Variants in COPG1 observed in about 807,000 individuals in gnomAD.
The protein encoded by COPG1 is coatomer subunit gamma-1.
Under a neutral mutation model 102.8 loss-of-function variants are expected in COPG1, and 29 were observed. That is an observed-to-expected ratio of 0.28 (90% CI 0.21 to 0.38). The LOEUF is 0.38. COPG1 is among the 10% of genes least tolerant of loss of function. The pLI is 1.00. For missense variants in COPG1, 875 were observed against 1,132.7 expected, an observed-to-expected ratio of 0.77 and a Z score of 3.27; for synonymous variants, 406 against 421.6, an observed-to-expected ratio of 0.96 and a Z score of 0.45.
chr3:129,252,815 T>A (rs1262183345), intron 4 of COPG1, 61 bp from the exon 5 acceptor site: 4 of 1,576,830 alleles, frequency 2.5e-6, no homozygotes, highest in Non-Finnish European at 3.5e-6. Context: ...GGAGGTATCT[T>A]CTCCCAACTC....
At chr3:129,259,078 T>C (rs1464404420) in intron 10 of COPG1, among the ~76,000 whole-genome samples, 1 of 152,180 alleles carries the variant, frequency 6.6e-6, no homozygotes, top group Non-Finnish European at 1.5e-5. Flanking sequence ...GTTTTTCTAT[T>C]ATTCTCTACT....
chr3:129,274,927 A>C lies in COPG1; in HGVS notation c.2346A>C (p.Glu782Asp), dbSNP rs1340846991. ...FEAAWDEVGD[E>D]FEKEETFTLS... ...CAGCCTGGGATGAGGTAGGGGATGA[A>C]TTTGAGAAGGAGGAAACGTTCACCT... The change falls in exon 22 of 24, where the codon GAA (glutamate) becomes GAC (aspartate). Residue 782 changes from glutamate (E) to aspartate (D), a missense_variant. Coordinates refer to ENST00000314797, the MANE Select transcript of COPG1 (RefSeq NM_016128.4). The C allele has an allele frequency of 1.2e-6, 2 of 1,614,184 alleles. No individual in the cohort carries two copies.
chr3:129,257,809 A>T lies in COPG1; in HGVS notation c.820A>T (p.Ile274Phe). 3 of 1,614,132 alleles carry T rather than the reference A, an allele frequency of 1.9e-6. No homozygotes were observed. Among genetic ancestry groups the T allele is most frequent in the Non-Finnish European group, 2.5e-6 (3 of 1,180,042 alleles). The change falls in exon 10 of 24, where the codon ATC becomes TTC. Residue 274 changes from isoleucine (I) to phenylalanine (F), a missense_variant. Physicochemically the swap from Ile to Phe is conservative, Grantham distance 21. Transcript: ENST00000314797. Reference protein sequence around the residue: ...EMVVYEAASAIVNLPGCSAKE... With the variant: ...EMVVYEAASAFVNLPGCSAKE... ...GGTGGTGTATGAAGCCGCCTCGGCCATCGTCAATCTGCCAGGCTGCAGTGC... is the reference window on the plus strand; with the variant it reads ...GGTGGTGTATGAAGCCGCCTCGGCCTTCGTCAATCTGCCAGGCTGCAGTGC...
chr3:129,258,620 G>A (rs1193793882), intron 10 of COPG1, among the ~76,000 whole-genome samples: 1 of 152,154 alleles, frequency 6.6e-6, no homozygotes, highest in Non-Finnish European at 1.5e-5. Context: ...ACCACGCCTG[G>A]CTAATTTTTG....
intron 2 of COPG1, among the ~76,000 whole-genome samples, chr3:129,251,114 G>A (rs971807093): frequency 2.0e-5 from 3 of 150,606 alleles, no homozygotes; most frequent in Non-Finnish European, 4.4e-5. Flanking sequence ...TAGTAGAGAC[G>A]GGGTTTCACC....
At position 129,271,217 on chromosome 3, in the gene COPG1, G is replaced by A. The variant is rs1940175392; in HGVS notation, c.1844-550G>A. Among the ~76,000 whole-genome samples the A allele has an allele frequency of 6.6e-6, 1 of 152,172 alleles. No homozygotes were observed. The highest frequency in any genetic ancestry group is 1.5e-5 in the Non-Finnish European group (1 of 68,040). On this transcript the variant is annotated intron_variant, in intron 18 of 23. Coordinates refer to ENST00000314797, the MANE Select transcript of COPG1 (RefSeq NM_016128.4). The surrounding 1 kb of genome is among the most constrained non-coding windows in gnomAD (Gnocchi z 4.7). ...TGCTTGAATCCAGTGCTTGAACCTG[G>A]GCATAGGGTGTAGGGATAGGTCTTA... is the stretch of plus-strand genomic sequence containing the variant.
In COPG1 at chr3:129,271,298, C is replaced by G. The variant is rs113590912; in HGVS notation, c.1844-469C>G. Among the ~76,000 whole-genome samples the G allele has an allele frequency of 2.6e-5, 4 of 152,326 alleles. No homozygotes were observed. Among genetic ancestry groups the G allele is most frequent in the African/African-American group, 9.6e-5 (4 of 41,574 alleles). On this transcript the variant is annotated intron_variant, in intron 18 of 23. Coordinates refer to ENST00000314797, the MANE Select transcript of COPG1 (RefSeq NM_016128.4). The surrounding 1 kb of genome is among the most constrained non-coding windows in gnomAD (Gnocchi z 4.7). ...CTGCAACACTCTCATTCTGAAATATCTCTTTATTGGCCATTTGTCTTAACT... is the reference window on the plus strand; with the variant it reads ...CTGCAACACTCTCATTCTGAAATATGTCTTTATTGGCCATTTGTCTTAACT...
At chr3:129,272,963 C>T in intron 21 of COPG1, 59 bp downstream of exon 21, 4 of 863,794 alleles carry the variant, frequency 4.6e-6, no homozygotes, top group Non-Finnish European at 5.7e-6. Flanking sequence ...CAACTCCCTT[C>T]AGGAACTGAC....
At chr3:129,255,347 T>G (rs1939786712) in intron 7 of COPG1, among the ~76,000 whole-genome samples, 1 of 151,592 alleles carries the variant, frequency 6.6e-6, no homozygotes, top group Non-Finnish European at 1.5e-5. Context: ...CCCAGCTAAT[T>G]TTTGTGTTTT....
rs568311268 is a variant in COPG1 at position 129,274,695 on chromosome 3, C to G, written c.2257-143C>G. 25 of 920,848 alleles carry G rather than the reference C, an allele frequency of 2.7e-5. No homozygotes were observed. In the Admixed American group the frequency reaches 5.5e-4, roughly 20 times the overall value. 57.0% of individuals were successfully genotyped at this position (920,848 alleles called of 1,614,324 possible). A position where few individuals can be genotyped will look rare whatever the true frequency, so the allele number is the denominator to read the frequency against. ...AGGATAGGTACCTGGTCAAGTTGCT[C>G]TATGTCCCCAGAGTCTAGCACAGTC... On this transcript the variant is annotated intron_variant, in intron 21 of 23. Transcript: ENST00000314797.
chr3:129,259,521 G>T (rs1047700467), intron 10 of COPG1, among the ~76,000 whole-genome samples: 1 of 151,530 alleles, frequency 6.6e-6, no homozygotes, highest in Non-Finnish European at 1.5e-5. Flanking sequence ...ACTGATTTGG[G>T]TATTCATTCA....
intron 15 of COPG1, 66 bp downstream of exon 15, chr3:129,267,165 TC>T: frequency 7.9e-7 from 1 of 1,271,084 alleles, no homozygotes; most frequent in Admixed American, 2.1e-5. Flanking sequence ...CTTTCCTTTG[TC>T]TTTATTTTTT....
intron 10 of COPG1, among the ~76,000 whole-genome samples, chr3:129,259,475 A>G (rs1477925892): frequency 6.6e-6 from 1 of 151,024 alleles, no homozygotes; most frequent in Non-Finnish European, 1.5e-5. Flanking sequence ...AAAAAAAAAA[A>G]AAAAAGAAAT....
chr3:129,274,998 C>G (rs1158468906), intron 22 of COPG1, 22 bp downstream of exon 22: 1 of 1,612,936 alleles, frequency 6.2e-7, no homozygotes, highest in Non-Finnish European at 8.5e-7. Flanking sequence ...GGAATGCCAT[C>G]TCTGGCCTAA....
In COPG1 at chr3:129,271,559, G is replaced by T. The variant is rs557341361; in HGVS notation, c.1844-208G>T. Among the ~76,000 whole-genome samples the T allele has an allele frequency of 4.6e-5, 7 of 152,230 alleles. No homozygotes were observed. In the South Asian group the frequency reaches 6.2e-4, roughly 14 times the overall value. ...GTACAGAGATGGGGAGAGTATTTGT[G>T]GGGGGTTGTGCCACATGAGCGAAGT... On this transcript the variant is annotated intron_variant, in intron 18 of 23. Transcript: ENST00000314797. This position sits in a 1 kb window ranked among gnomAD's most constrained non-coding sequence, Gnocchi z 4.7.
intron 2 of COPG1, chr3:129,250,937 T>C (rs1939681854): frequency 1.2e-5 from 6 of 483,196 alleles, no homozygotes; most frequent in Non-Finnish European, 1.8e-5. Flanking sequence ...TTTTTTTTTT[T>C]TTCTGAGACA....
At chr3:129,254,778 T>C in intron 6 of COPG1, 35 bp downstream of exon 6, 1 of 1,584,032 alleles carries the variant, frequency 6.3e-7, no homozygotes, top group Non-Finnish European at 8.7e-7. Flanking sequence ...CTTCCTGGCC[T>C]CTTGATTGAG....
chr3:129,257,740 CTGTT>C lies in COPG1; in HGVS notation c.754_757del (p.Phe252ThrfsTer64). 6.2e-7 allele frequency: 1 copy of C among 1,614,138 alleles called. No homozygotes were observed. The highest frequency in any genetic ancestry group is 1.3e-5 in the African/African-American group (1 of 75,070). On this transcript the variant is annotated frameshift_variant, in exon 10 of 24. Transcript: ENST00000314797. LOFTEE classifies it high-confidence loss of function. ...GTTCTTTTGTAGCCGTGACAGCCCA[CTGTT>C]TGACTTCATCGAGAGCTGCTTGCGC...
intron 7 of COPG1, 137 bp from the exon 8 acceptor site, chr3:129,255,931 T>C: frequency 1.5e-6 from 1 of 653,454 alleles, no homozygotes; most frequent in Non-Finnish European, 2.7e-6. Context: ...GGGAGCATCC[T>C]GAGTTTGTCC....
Sources: gnomAD v4.1 joint callset for allele counts (sites outside exome capture counted in the v4.1 genomes callset) on GRCh38, gnomAD v4.1.1 for gene constraint, Gnocchi (gnomAD v3.1) non-coding constraint, MANE v1.5 for transcripts, NCBI Gene and HGNC (gene_info 2026-07-23, HGNC 2026-07-21) for gene names.